The following KDM4B variants were observed in gnomAD, a reference collection of about 807,000 sequenced individuals.
The protein encoded by KDM4B is lysine demethylase 4B, also known as lysine-specific demethylase 4B.
A neutral mutation model predicts 125.2 loss-of-function variants in KDM4B; 32 were observed. That is an observed-to-expected ratio of 0.26 (90% CI 0.19 to 0.34). The LOEUF is 0.34. Ranked by LOEUF, KDM4B falls within the 10% of genes least tolerant of loss-of-function variation. KDM4B has a pLI of 1.00. For missense variants in KDM4B, 1,190 were observed against 1,577.7 expected (o/e 0.75, Z 4.16); for synonymous variants, 721 against 677.9 (o/e 1.06, Z -0.99).
intron 11 of KDM4B, 111 bp from the exon 12 acceptor site, chr19:5,130,965 G>T: frequency 1.2e-6 from 1 of 802,040 alleles, no homozygotes. Flanking sequence ...GCCTCTCTGG[G>T]TGGAAGGAGC....
Position 4,992,330 on chromosome 19 carries a change from C to A in KDM4B, c.-109+23100C>A, listed in dbSNP as rs7258572. Among the ~76,000 whole-genome samples, 465 of 152,172 alleles carry A rather than the reference C, an allele frequency of 3.1e-3. 1 individual carries two copies. Among genetic ancestry groups the A allele is most frequent in the African/African-American group, 0.011 (437 of 41,524 alleles). On this transcript the variant is annotated intron_variant, in intron 1 of 22. Transcript: ENST00000159111. ...CCATCTGCCTTAGTTTCCGTGTGCT[C>A]TTCTTTTTCCAGTGTCTTAAGGGAG... is the stretch of plus-strand genomic sequence containing the variant.
chr19:5,080,623 A>G (rs1262980821), intron 8 of KDM4B: 1 of 152,282 alleles, frequency 6.6e-6, no homozygotes, highest in Non-Finnish European at 1.5e-5. Context: ...TGCCATGGCC[A>G]TGGAAAACCG....
intron 9 of KDM4B, among the ~76,000 whole-genome samples, chr19:5,107,825 ACTACC>A (rs1450364599): frequency 1.3e-5 from 2 of 152,290 alleles, no homozygotes; most frequent in Non-Finnish European, 2.9e-5. Flanking sequence ...CTCAGAAGCG[ACTACC>A]CTGTGTCCTC....
chr19:5,108,666 C>G (rs756785196), intron 9 of KDM4B, among the ~76,000 whole-genome samples: 2 of 152,206 alleles, frequency 1.3e-5, no homozygotes, highest in Non-Finnish European at 2.9e-5. Context: ...TTTCCTTCAT[C>G]CCATTGAGCA....
intron 1 of KDM4B, among the ~76,000 whole-genome samples, chr19:5,006,435 C>G (rs897979817): frequency 6.6e-6 from 1 of 152,138 alleles, no homozygotes; most frequent in African/African-American, 2.4e-5. Flanking sequence ...TCTGCCCTGG[C>G]TGGGGTTTTA....
intron 1 of KDM4B, among the ~76,000 whole-genome samples, chr19:5,008,092 A>T (rs1217638057): frequency 6.6e-6 from 1 of 152,234 alleles, no homozygotes; most frequent in South Asian, 2.1e-4. Flanking sequence ...TGTGGGCAAC[A>T]TAGGAAGATA....
At chr19:5,094,010 G>A (rs968000754) in intron 9 of KDM4B, among the ~76,000 whole-genome samples, 2 of 152,184 alleles carry the variant, frequency 1.3e-5, no homozygotes, top group Admixed American at 6.5e-5. Flanking sequence ...GGTGTGTGGC[G>A]GGCCGAGCCC....
intron 1 of KDM4B, among the ~76,000 whole-genome samples, chr19:4,973,824 TA>T (rs66494608): frequency 0.26 from 34,999 of 132,284 alleles, 4,881 homozygotes; most frequent in Middle Eastern, 0.4. Context: ...CAAAGCATAT[TA>T]AAAAAAAAAA....
At chr19:5,132,398 C>T (rs547743275) in intron 13 of KDM4B, among the ~76,000 whole-genome samples, 2 of 152,304 alleles carry the variant, frequency 1.3e-5, no homozygotes, top group South Asian at 2.1e-4. Context: ...TTCGATTTAA[C>T]CCTCAGCCGA....
At chr19:5,144,218 C>T (rs751332683) in intron 19 of KDM4B, 30 bp from the exon 20 acceptor site, 1 of 1,582,882 alleles carries the variant, frequency 6.3e-7, no homozygotes, top group South Asian at 1.1e-5. Context: ...CCCGCGCTGA[C>T]CGCCCCCCAC....
At chr19:5,080,399 C>T (rs988971643) in intron 8 of KDM4B, among the ~76,000 whole-genome samples, 6 of 152,186 alleles carry the variant, frequency 3.9e-5, no homozygotes, top group African/African-American at 1.2e-4. Flanking sequence ...ACAAATGGCC[C>T]GATGAATTCG....
At chr19:5,023,758 A>T (rs1184886536) in intron 2 of KDM4B, among the ~76,000 whole-genome samples, 4 of 89,120 alleles carry the variant, frequency 4.5e-5, no homozygotes, top group African/African-American at 1.4e-4. Flanking sequence ...GTCTTTTTGA[A>T]TTTTTTTTTT....
chr19:5,137,874 C>T (rs1284908092), intron 17 of KDM4B, 88 bp from the exon 18 acceptor site: 4 of 1,237,134 alleles, frequency 3.2e-6, no homozygotes, highest in Non-Finnish European at 4.6e-6. Context: ...GGCCCTGACC[C>T]AGCCGACAGC....
intron 5 of KDM4B, among the ~76,000 whole-genome samples, chr19:5,041,882 G>C (rs1357724177): frequency 2.0e-5 from 3 of 152,270 alleles, no homozygotes; most frequent in Admixed American, 6.5e-5. Flanking sequence ...GCCACGGCCA[G>C]CCTTGGCTCT....
At chr19:5,072,054 T>G (rs926409490) in intron 7 of KDM4B, among the ~76,000 whole-genome samples, 1 of 152,112 alleles carries the variant, frequency 6.6e-6, no homozygotes, top group African/African-American at 2.4e-5. Flanking sequence ...GTCAGGCAGC[T>G]CAGCAAGCGA....
At chr19:5,103,796 G>A (rs923932669) in intron 9 of KDM4B, among the ~76,000 whole-genome samples, 22 of 152,236 alleles carry the variant, frequency 1.4e-4, no homozygotes, top group Admixed American at 1.2e-3. Flanking sequence ...CCGAGCCCAG[G>A]GGGCCTGGCT....
intron 9 of KDM4B, among the ~76,000 whole-genome samples, chr19:5,102,698 GCGGGCGA>G: frequency 6.6e-6 from 1 of 152,128 alleles, no homozygotes; most frequent in Middle Eastern, 3.2e-3. Context: ...GCAATGGGCG[GCGGGCGA>G]CGGGTGACGG....
chr19:5,043,226 CTG>C (rs1568251731), intron 5 of KDM4B, among the ~76,000 whole-genome samples: 2 of 130,914 alleles, frequency 1.5e-5, no homozygotes, highest in African/African-American at 2.9e-5. Context: ...TTATCCCACT[CTG>C]TGTTTATCGG....
intron 6 of KDM4B, among the ~76,000 whole-genome samples, chr19:5,050,697 G>A (rs578030935): frequency 1.3e-5 from 2 of 152,256 alleles, no homozygotes; most frequent in Admixed American, 6.5e-5. Context: ...TCAGGAAATC[G>A]AGACCATCTT....
Sources: allele counts gnomAD v4.1 joint callset (sites outside exome capture counted in the v4.1 genomes callset), GRCh38; gene constraint gnomAD v4.1.1; transcripts MANE v1.5; gene names NCBI Gene and HGNC (gene_info 2026-07-23, HGNC 2026-07-21).